The following PAPPA2 variants were observed in gnomAD, a reference collection of about 807,000 sequenced individuals.
The protein encoded by PAPPA2 is pappalysin 2.
Under a neutral mutation model 176.4 loss-of-function variants are expected in PAPPA2, and 86 were observed. The ratio of observed to expected loss-of-function variants is 0.49; its 90% CI spans 0.41 to 0.58. The LOEUF (loss-of-function observed/expected upper bound fraction) is 0.58. Ranked by LOEUF, PAPPA2 falls within the 20% of genes least tolerant of loss-of-function variation. PAPPA2 has a pLI of 0.00. For missense variants in PAPPA2, 2,073 were observed against 2,256.9 expected (o/e 0.92, Z 1.65); for synonymous variants, 809 against 852.2 (o/e 0.95, Z 0.88).
At chr1:176,606,347 C>G (rs556867591) in intron 3 of PAPPA2, among the ~76,000 whole-genome samples, 9 of 152,078 alleles carry the variant, frequency 5.9e-5, no homozygotes, top group Non-Finnish European at 1.3e-4. Flanking sequence ...TGGATAAAAA[C>G]TAAGTATTTG....
chr1:176,470,620 C>T (rs532374137), intron 1 of PAPPA2, among the ~76,000 whole-genome samples: 16 of 152,106 alleles, frequency 1.1e-4, no homozygotes, highest in Admixed American at 2.0e-4. Context: ...AGAATGCTTT[C>T]CTGAAGAAAG....
At chr1:176,553,086 G>A (rs550322293) in intron 1 of PAPPA2, among the ~76,000 whole-genome samples, 83 of 152,178 alleles carry the variant, frequency 5.5e-4, no homozygotes, top group African/African-American at 1.9e-3. Flanking sequence ...TCACACTTTT[G>A]CTCGGGGGTG....
chr1:176,782,562 C>T lies in PAPPA2; in HGVS notation c.4716-7247C>T, dbSNP rs144734667. Among the ~76,000 whole-genome samples, 469 of 152,108 alleles carry T rather than the reference C, an allele frequency of 3.1e-3. 3 individuals carry two copies. Among genetic ancestry groups the T allele is most frequent in the African/African-American group, 0.011 (444 of 41,498 alleles). ...TAAAAAAAAGAAAAGCATCATGACT[C>T]GAGAGAATGGCACCAACTCTTGAGG... On this transcript the variant is annotated intron_variant, in intron 17 of 22. Coordinates refer to ENST00000367662, the MANE Select transcript of PAPPA2 (RefSeq NM_020318.3).
rs951420223 is a variant in PAPPA2, at chr1:176,779,537, G to A, written c.4715+8357G>A. On this transcript the variant is annotated intron_variant, in intron 17 of 22. Transcript: ENST00000367662. Reference sequence around the variant, plus strand: ...ACACACACAGAGAGAGAGAGAGAGAGAGAGGAGTGTGGCTGAGCAGATCTT... The same window carrying A: ...ACACACACAGAGAGAGAGAGAGAGAAAGAGGAGTGTGGCTGAGCAGATCTT... 4.0e-5 allele frequency among the ~76,000 whole-genome samples: 6 copies of A among 151,850 alleles called. No individual in the cohort carries two copies. The East Asian group carries it at 1.2e-3, about 29-fold the overall frequency.
chr1:176,640,917 G>T (rs1230865329), intron 3 of PAPPA2, among the ~76,000 whole-genome samples: 1 of 152,140 alleles, frequency 6.6e-6, no homozygotes, highest in Non-Finnish European at 1.5e-5. Context: ...TTGTGGTTTT[G>T]ATTTGCATTT....
chr1:176,813,588 C>T (rs1242573087), intron 21 of PAPPA2, among the ~76,000 whole-genome samples: 1 of 152,144 alleles, frequency 6.6e-6, no homozygotes, highest in Non-Finnish European at 1.5e-5. Flanking sequence ...TGTATGTCTT[C>T]TTTTGAGAAG....
chr1:176,790,793 G>T (rs1665142110), intron 18 of PAPPA2, among the ~76,000 whole-genome samples: 1 of 152,178 alleles, frequency 6.6e-6, no homozygotes, highest in African/African-American at 2.4e-5. Context: ...TATAATTCGT[G>T]AAGCCAAGAG....
chr1:176,623,630 ACTTTCTTTCTTT>A (rs200126031), intron 3 of PAPPA2, among the ~76,000 whole-genome samples: 921 of 84,042 alleles, frequency 0.011, 11 homozygotes, highest in East Asian at 0.067. Flanking sequence ...TTCCTTTTTT[ACTTTCTTTCTTT>A]CTTTCTTTCT....
chr1:176,529,546 G>C (rs1005010775), intron 1 of PAPPA2, among the ~76,000 whole-genome samples: 1 of 152,094 alleles, frequency 6.6e-6, no homozygotes. Context: ...GGCAAGGGGA[G>C]GAGGAGGGAA....
chr1:176,541,868 C>G (rs531375908), intron 1 of PAPPA2, among the ~76,000 whole-genome samples: 1 of 152,364 alleles, frequency 6.6e-6, no homozygotes, highest in African/African-American at 2.4e-5. Context: ...ACTCAGACCA[C>G]ACACCAGAAT....
In PAPPA2 at chr1:176,695,966, A is replaced by ATGTGTGTG. The variant is rs67178111; in HGVS notation, c.2746+141_2746+148dup. The ATGTGTGTG allele has an allele frequency of 2.2e-4, 194 of 865,734 alleles. 1 individual carries two copies. Among genetic ancestry groups the ATGTGTGTG allele is most frequent in the Middle Eastern group, 1.5e-3 (4 of 2,660 alleles). 53.6% of individuals were successfully genotyped at this position (865,734 alleles called of 1,614,324 possible). A position where few individuals can be genotyped will look rare whatever the true frequency, so the allele number is the denominator to read the frequency against. On this transcript the variant is annotated intron_variant, in intron 7 of 22. Transcript: ENST00000367662. ...GGTGACAAAAAGGCAATGTATGTGTATGTGTGTGTGTGTGTGTGTGTGTGT... is the reference window on the plus strand; with the variant it reads ...GGTGACAAAAAGGCAATGTATGTGTATGTGTGTGTGTGTGTGTGTGTGTGTGTGTGTGT...
chr1:176,667,048 C>T (rs779589110), intron 3 of PAPPA2, among the ~76,000 whole-genome samples: 20 of 152,074 alleles, frequency 1.3e-4, no homozygotes, highest in South Asian at 4.2e-4. Flanking sequence ...GAGTTCAAGA[C>T]GAGCCTGACC....
At chr1:176,464,899 G>GATATGGA (rs1191360856) in intron 1 of PAPPA2, among the ~76,000 whole-genome samples, 1 of 152,184 alleles carries the variant, frequency 6.6e-6, no homozygotes, top group Non-Finnish European at 1.5e-5. Flanking sequence ...ATATGCAGTG[G>GATATGGA]TTATCACCGG....
At position 176,634,753 on chromosome 1, in the gene PAPPA2, G is replaced by A. The variant is rs151077028; in HGVS notation, c.1992-36217G>A. ...AAATTCTAGAGATAGAAGTTTCATT[G>A]ATTTCCACTTAGGATTAATAGGTGT... On this transcript the variant is annotated intron_variant, in intron 3 of 22. Coordinates refer to ENST00000367662, the MANE Select transcript of PAPPA2 (RefSeq NM_020318.3). Among the ~76,000 whole-genome samples, 999 of 151,804 alleles carry A rather than the reference G, an allele frequency of 6.6e-3. 12 individuals are homozygous for A. Among genetic ancestry groups the A allele is most frequent in the Non-Finnish European group, 7.4e-3 (502 of 67,940 alleles).
chr1:176,506,986 A>G (rs981840572), intron 1 of PAPPA2, among the ~76,000 whole-genome samples: 1 of 152,126 alleles, frequency 6.6e-6, no homozygotes, highest in East Asian at 1.9e-4. Flanking sequence ...GAAACTATCA[A>G]TAGAATAAAC....
intron 1 of PAPPA2, among the ~76,000 whole-genome samples, chr1:176,530,221 G>T (rs1227532511): frequency 2.0e-5 from 3 of 152,178 alleles, no homozygotes; most frequent in Non-Finnish European, 4.4e-5. Flanking sequence ...AAACCTACAA[G>T]TCACAATTTC....
At chr1:176,537,304 ACTC>A (rs1381670771) in intron 1 of PAPPA2, 5 of 152,208 alleles carry the variant, frequency 3.3e-5, no homozygotes, top group Non-Finnish European at 7.3e-5. Context: ...CCCCAGCCCT[ACTC>A]CTCTCAAGGC....
chr1:176,706,357 A>G lies in PAPPA2; in HGVS notation c.3366-2A>G. 1 of 1,613,274 alleles carries G rather than the reference A, an allele frequency of 6.2e-7. No individual in the cohort carries two copies. The highest frequency in any genetic ancestry group is 8.5e-7 in the Non-Finnish European group (1 of 1,179,402). On this transcript the variant is annotated splice_acceptor_variant, in intron 9 of 22. Coordinates refer to ENST00000367662, the MANE Select transcript of PAPPA2 (RefSeq NM_020318.3). LOFTEE classifies it high-confidence loss of function. ...TATATGCATATATATTTTACCCTCTAGGAGACTGGGAGAAGAGTGTGATGA... is the reference window on the plus strand; with the variant it reads ...TATATGCATATATATTTTACCCTCTGGGAGACTGGGAGAAGAGTGTGATGA...
intron 14 of PAPPA2, among the ~76,000 whole-genome samples, chr1:176,745,889 T>C (rs1662884805): frequency 6.6e-6 from 1 of 152,120 alleles, no homozygotes; most frequent in Non-Finnish European, 1.5e-5. Context: ...TGGAACACAA[T>C]TGGGACTTCT....
Sources: gnomAD v4.1 joint callset for allele counts (sites outside exome capture counted in the v4.1 genomes callset) on GRCh38, gnomAD v4.1.1 for gene constraint, MANE v1.5 for transcripts, NCBI Gene and HGNC (gene_info 2026-07-23, HGNC 2026-07-21) for gene names.